The following MOGAT3 variants were observed in gnomAD, a reference collection of about 807,000 sequenced individuals.
MOGAT3 encodes monoacylglycerol O-acyltransferase 3.
MOGAT3 carries 39 observed loss-of-function variants against 34.4 expected under a neutral mutation model. The observed-to-expected ratio is 1.13, with a 90% CI of 0.88 to 1.48. The LOEUF (loss-of-function observed/expected upper bound fraction) is 1.48. Ranked by LOEUF, MOGAT3 falls within the 40% of genes most tolerant of loss-of-function variation. MOGAT3 has a pLI of 0.00. For missense variants in MOGAT3, 439 were observed against 438.9 expected, an observed-to-expected ratio of 1.00 and a Z score of 0.00; for synonymous variants, 209 against 179.2, an observed-to-expected ratio of 1.17 and a Z score of -1.33.
Position 101,196,367 on chromosome 7 carries a change from A to G in MOGAT3, c.691T>C (p.Ser231Pro). 1.2e-6 allele frequency: 2 copies of G among 1,612,478 alleles called. No individual in the cohort carries two copies. The highest frequency in any genetic ancestry group is 1.7e-6 in the Non-Finnish European group (2 of 1,179,080). The change falls in exon 6 of 7, where the codon TCC becomes CCC. Residue 231 changes from serine (S) to proline (P), a missense_variant. By Grantham distance (74) the Ser-to-Pro change is moderately conservative. Coordinates refer to ENST00000223114, the MANE Select transcript of MOGAT3 (RefSeq NM_178176.4). ...CTAAAGATGTCATTCTCCCCAAAGG[A>G]GTACACGGGCACCAGGGACGCCCTG... The part of the protein sequence containing the change: ...RHGASLVPVY[S>P]FGENDIFRLK...
At chr7:101,199,614 CTTTT>C (rs71126387) in intron 3 of MOGAT3, among the ~76,000 whole-genome samples, 5 of 116,406 alleles carry the variant, frequency 4.3e-5, no homozygotes, top group Admixed American at 8.8e-5. Context: ...CCACAACCGC[CTTTT>C]TTTTTTTTTT....
rs1272469803 is a variant in MOGAT3 at position 101,198,010 on chromosome 7, T to C, written c.668+181A>G. Among the ~76,000 whole-genome samples the C allele has an allele frequency of 2.0e-5, 3 of 152,210 alleles. No individual in the cohort carries two copies. The East Asian group carries it at 5.8e-4, about 29-fold the overall frequency. ...CACGGATGTGGGAGGGAGCTTAGGGTAAGCGGGCCCCATGTTTGGTACCGA... is the reference window on the plus strand; with the variant it reads ...CACGGATGTGGGAGGGAGCTTAGGGCAAGCGGGCCCCATGTTTGGTACCGA... On this transcript the variant is annotated intron_variant, in intron 5 of 6. Transcript: ENST00000223114.
chr7:101,198,611 TC>T lies in MOGAT3; in HGVS notation c.493+14del. ...CAGGAGTCTCCTCCCGTTCTCCTCCTCCCATTCGGCTCACCAAAGGACATGA... is the reference window on the plus strand; with the variant it reads ...CAGGAGTCTCCTCCCGTTCTCCTCCTCCATTCGGCTCACCAAAGGACATGA... On this transcript the variant is annotated intron_variant, in intron 4 of 6. Transcript: ENST00000223114. 1 of 1,610,278 alleles carries T rather than the reference TC, an allele frequency of 6.2e-7. No individual in the cohort carries two copies. The highest frequency in any genetic ancestry group is 8.5e-7 in the Non-Finnish European group (1 of 1,178,860).
chr7:101,197,241 G>A (rs751569173), intron 5 of MOGAT3, among the ~76,000 whole-genome samples: 1 of 152,102 alleles, frequency 6.6e-6, no homozygotes, highest in Non-Finnish European at 1.5e-5. Context: ...GGAGGGCAGT[G>A]GTGCAATCAT....
At position 101,195,717 on chromosome 7, in the gene MOGAT3, A is replaced by G. The variant is rs1430228501; in HGVS notation, c.*229T>C. On this transcript the variant is annotated 3_prime_UTR_variant, in exon 7 of 7. Transcript: ENST00000223114. Reference sequence around the variant, plus strand: ...CCACCATGCCCGGCTAATTAACAACATTATTTTTTAATTTTTGTAGAAATG... The same window carrying G: ...CCACCATGCCCGGCTAATTAACAACGTTATTTTTTAATTTTTGTAGAAATG... The G allele has an allele frequency of 1.8e-6, 1 of 565,686 alleles. No homozygotes were observed. Among genetic ancestry groups the G allele is most frequent in the Non-Finnish European group, 3.1e-6 (1 of 319,434 alleles). 35.0% of individuals were successfully genotyped at this position (565,686 alleles called of 1,614,324 possible). A position where few individuals can be genotyped will look rare whatever the true frequency, so the allele number is the denominator to read the frequency against.
Position 101,196,324 on chromosome 7 carries a change from G to A in MOGAT3, c.734C>T (p.Thr245Ile), listed in dbSNP as rs1797784853. ...CTGGCACCAATGCTGCCAGGAGCCT[G>A]TGGCAAAAGCCTTAAGTCTAAAGAT... is the stretch of plus-strand genomic sequence containing the variant. ...NDIFRLKAFA[T>I]GSWQHWCQLT... is the part of the protein sequence containing the mutation. Residue 245 changes from threonine to isoleucine, a missense_variant, in exon 6 of 7, where the codon ACA becomes ATA. Thr to Ile is a moderately conservative substitution (Grantham distance 89). Transcript: ENST00000223114. 18 of 1,613,920 alleles carry A rather than the reference G, an allele frequency of 1.1e-5. No individual in the cohort carries two copies. Among genetic ancestry groups the A allele is most frequent in the Non-Finnish European group, 1.5e-5 (18 of 1,179,962 alleles).
At chr7:101,199,616 T>G (rs891822952) in intron 3 of MOGAT3, among the ~76,000 whole-genome samples, 14 of 2,338 alleles carry the variant, frequency 6.0e-3, no homozygotes, top group South Asian at 0.022. Context: ...ACAACCGCCT[T>G]TTTTTTTTTT....
Position 101,195,815 on chromosome 7 carries a change from A to G in MOGAT3, c.*131T>C. On this transcript the variant is annotated 3_prime_UTR_variant, in exon 7 of 7. Transcript: ENST00000223114. ...CGATCCTCCCACCTTGGCCTCCCAA[A>G]GTGCTGGGATTACAGGCATGAGGCA... 1 of 1,023,356 alleles carries G rather than the reference A, an allele frequency of 9.8e-7. No homozygotes were observed. The allele number at this position is 1,023,356 out of a possible 1,614,324, so 63.4% of individuals were successfully genotyped here. A position where few individuals can be genotyped will look rare whatever the true frequency, so the allele number is the denominator to read the frequency against.
In MOGAT3 at chr7:101,196,022, G is replaced by A. The variant is rs192490244; in HGVS notation, c.950C>T (p.Thr317Met). Residue 317 changes from threonine to methionine, a missense_variant, in exon 7 of 7, where the codon ACG becomes ATG. Physicochemically the swap from Thr to Met is moderately conservative, Grantham distance 81. Transcript: ENST00000223114. ...CTCCTCGAAGAGCTGCTCCAGGGCC[G>A]TCATGTAGAGGGCGTGATAGTGATT... ...EVNHYHALYM[T>M]ALEQLFEEHK... 82 of 1,614,144 alleles carry A rather than the reference G, an allele frequency of 5.1e-5. No homozygotes were observed. Among genetic ancestry groups the A allele is most frequent in the African/African-American group, 3.6e-4 (27 of 75,052 alleles).
downstream of MOGAT3, among the ~76,000 whole-genome samples, chr7:101,194,498 C>CTTTT (rs34849826): frequency 1.2e-4 from 11 of 95,528 alleles, no homozygotes; most frequent in Non-Finnish European, 1.7e-4. Flanking sequence ...AGGACATAAG[C>CTTTT]TTTTTTTTTT....
intron 1 of MOGAT3, 90 bp from the exon 2 acceptor site, chr7:101,200,605 ACCAGCTCTCTCCTCTGG>A (rs1404541573): frequency 3.4e-5 from 44 of 1,299,902 alleles, no homozygotes; most frequent in Non-Finnish European, 4.5e-5. Context: ...CTTCAGAACA[ACCAGCTCTCTCCTCTGG>A]CCCTCTCCCA....
At position 101,198,302 on chromosome 7, in the gene MOGAT3, G is replaced by A. The variant is rs758046914; in HGVS notation, c.557C>T (p.Ala186Val). 6.2e-7 allele frequency: 1 copy of A among 1,600,830 alleles called. No homozygotes were observed. Among genetic ancestry groups the A allele is most frequent in the Non-Finnish European group, 8.5e-7 (1 of 1,172,742 alleles). Residue 186 changes from alanine to valine, a missense_variant, in exon 5 of 7, where the codon GCC (alanine) becomes GTC (valine). Physicochemically the swap from Ala to Val is moderately conservative, Grantham distance 64. Coordinates refer to ENST00000223114, the MANE Select transcript of MOGAT3 (RefSeq NM_178176.4). ...FILSQPQLGQ[A>V]VVIMVGGAHE... The stretch of plus-strand genomic sequence containing the variant: ...CGCACCCCCCACCATGATGACCACG[G>A]CCTGCCCGAGCTGGGGCTGGGACAG...
chr7:101,197,597 C>A (rs1318013137), intron 5 of MOGAT3, among the ~76,000 whole-genome samples: 1 of 152,074 alleles, frequency 6.6e-6, no homozygotes, highest in East Asian at 1.9e-4. Context: ...CAGCCCTCTT[C>A]GCAAGTAAAG....
At position 101,198,297 on chromosome 7, in the gene MOGAT3, C is replaced by T; in HGVS notation, c.562G>A (p.Val188Ile). Residue 188 changes from valine (V) to isoleucine (I), a missense_variant, in exon 5 of 7, where the codon GTC (valine) becomes ATC (isoleucine). By Grantham distance (29) the Val-to-Ile change is conservative (BLOSUM62 3). Transcript: ENST00000223114. ...LSQPQLGQAVVIMVGGAHEAL... is the reference protein window; with the variant it reads ...LSQPQLGQAVIIMVGGAHEAL... ...TCGTGCGCACCCCCCACCATGATGA[C>T]CACGGCCTGCCCGAGCTGGGGCTGG... The T allele has an allele frequency of 6.2e-7, 1 of 1,602,630 alleles. No homozygotes were observed. The highest frequency in any genetic ancestry group is 1.3e-5 in the African/African-American group (1 of 74,714).
downstream of MOGAT3, among the ~76,000 whole-genome samples, chr7:101,193,398 T>A (rs927164442): frequency 6.6e-6 from 1 of 152,124 alleles, no homozygotes; most frequent in Admixed American, 6.6e-5. Flanking sequence ...CAGGCCGAGG[T>A]TGCTCAAACC....
chr7:101,200,106 C>T lies in MOGAT3; in HGVS notation c.288+128G>A, dbSNP rs1431323350. ...CTCAGTCTAAAAAAAAAAAAAAATC[C>T]ATTCCCTGTCCCACTGCCTGAGCTT... On this transcript the variant is annotated intron_variant, in intron 3 of 6. Transcript: ENST00000223114. The T allele has an allele frequency of 1.2e-5, 9 of 757,372 alleles. No individual in the cohort carries two copies. In the Admixed American group the frequency reaches 2.0e-4, roughly 17 times the overall value. 46.9% of individuals were successfully genotyped at this position (757,372 alleles called of 1,614,324 possible).
At position 101,200,295 on chromosome 7, in the gene MOGAT3, C is replaced by T. The variant is rs374162019; in HGVS notation, c.227G>A (p.Arg76His). The T allele has an allele frequency of 1.8e-5, 29 of 1,613,932 alleles. No individual in the cohort carries two copies. The highest frequency in any genetic ancestry group is 1.6e-4 in the Middle Eastern group (1 of 6,084). The change falls in exon 3 of 7, where the codon CGT (arginine) becomes CAT (histidine). Residue 76 changes from arginine to histidine, a missense_variant. Transcript: ENST00000223114. Reference sequence around the variant, plus strand: ...TGCCCGGTTCCTTATCCACTCCGAACGCCTTCCACCTGCGGACAATGAGAT... The same window carrying T: ...TGCCCGGTTCCTTATCCACTCCGAATGCCTTCCACCTGCGGACAATGAGAT... The part of the protein sequence containing the change: ...DWDTPNQGGR[R>H]SEWIRNRAIW...
rs1562882983 is a variant in MOGAT3, at chr7:101,196,408, G to C, written c.669-19C>G. On this transcript the variant is annotated intron_variant, in intron 5 of 6. Coordinates refer to ENST00000223114, the MANE Select transcript of MOGAT3 (RefSeq NM_178176.4). Reference sequence around the variant, plus strand: ...GGACGCCCTGGGAAGGAGCAAGAGAGAAGAGGGGGCTCAGGCTGCTGGACT... The same window carrying C: ...GGACGCCCTGGGAAGGAGCAAGAGACAAGAGGGGGCTCAGGCTGCTGGACT... 1 of 1,584,464 alleles carries C rather than the reference G, an allele frequency of 6.3e-7. No individual in the cohort carries two copies. The highest frequency in any genetic ancestry group is 2.2e-5 in the East Asian group (1 of 44,734).
At chr7:101,192,910 A>G (rs1016455220), downstream of MOGAT3, among the ~76,000 whole-genome samples, 7 of 147,978 alleles carry the variant, frequency 4.7e-5, no homozygotes, top group Admixed American at 3.4e-4. Context: ...CATCTCTACT[A>G]AAAAAAAAAT....
Sources: allele counts gnomAD v4.1 joint callset (sites outside exome capture counted in the v4.1 genomes callset), GRCh38; gene constraint gnomAD v4.1.1; transcripts MANE v1.5; gene names NCBI Gene and HGNC (gene_info 2026-07-23, HGNC 2026-07-21).